MTHFD1L: variants seen among roughly 807,000 people sequenced by gnomAD.
MTHFD1L encodes the protein monofunctional C1-tetrahydrofolate synthase, mitochondrial.
MTHFD1L carries 81 observed loss-of-function variants against 119.5 expected under a neutral mutation model. That is an observed-to-expected ratio of 0.68 (90% CI 0.57 to 0.82). The LOEUF (loss-of-function observed/expected upper bound fraction) is 0.82, where lower values mean the gene tolerates loss of function less well. MTHFD1L is among the 40% of genes least tolerant of loss of function. MTHFD1L has a pLI of 0.00. For missense variants in MTHFD1L, 1,125 were observed against 1,253.4 expected (o/e 0.90, Z 1.55); for synonymous variants, 430 against 475.2 (o/e 0.90, Z 1.24).
intron 26 of MTHFD1L, among the ~76,000 whole-genome samples, chr6:151,079,637 GCAC>G (rs1277154470): frequency 6.6e-6 from 1 of 151,732 alleles, no homozygotes; most frequent in Admixed American, 6.6e-5. Flanking sequence ...TTACAGGCAT[GCAC>G]CACCACGCCC....
chr6:150,891,131 G>A (rs1297883319), intron 7 of MTHFD1L, among the ~76,000 whole-genome samples: 1 of 152,026 alleles, frequency 6.6e-6, no homozygotes, highest in Non-Finnish European at 1.5e-5. Context: ...GACTACAGGT[G>A]TGCGCCACCA....
chr6:151,101,058 C>T (rs904321486), intron 27 of MTHFD1L, among the ~76,000 whole-genome samples: 4 of 152,126 alleles, frequency 2.6e-5, no homozygotes, highest in African/African-American at 9.7e-5. Context: ...ACTCCGGAGG[C>T]TGTGGCGGGA....
At chr6:150,866,388 G>C (rs748304316) in intron 1 of MTHFD1L, 21 of 1,385,930 alleles carry the variant, frequency 1.5e-5, no homozygotes, top group Non-Finnish European at 1.9e-5. Flanking sequence ...GACCCAGACG[G>C]TAAAGGGGCG....
In MTHFD1L at chr6:150,923,540, T is replaced by TATTTATTTATTTA. The variant is rs57115594; in HGVS notation, c.1082+1238_1082+1239insATTTATTTATTTA. On this transcript the variant is annotated intron_variant, in intron 10 of 27. Coordinates refer to ENST00000367321, the MANE Select transcript of MTHFD1L (RefSeq NM_015440.5). ...TTATTTATTTATTTATTTATTTATT[T>TATTTATTTATTTA]TTTCTTTTTTTTTTTTTTTTTTTTG... Among the ~76,000 whole-genome samples the TATTTATTTATTTA allele has an allele frequency of 1.2e-3, 116 of 99,156 alleles. 2 individuals carry two copies. Among genetic ancestry groups the TATTTATTTATTTA allele is most frequent in the African/African-American group, 4.6e-3 (108 of 23,226 alleles). The allele number at this position is 99,156 out of a possible 152,430, so 65.1% of individuals were successfully genotyped here.
chr6:151,097,182 C>G (rs1442994109), intron 27 of MTHFD1L, among the ~76,000 whole-genome samples: 2 of 152,282 alleles, frequency 1.3e-5, no homozygotes, highest in East Asian at 3.9e-4. Flanking sequence ...CTGAAGAATT[C>G]AAGGACTCCC....
intron 17 of MTHFD1L, among the ~76,000 whole-genome samples, chr6:150,958,310 A>G (rs112965066): frequency 2.3e-4 from 35 of 152,304 alleles, no homozygotes; most frequent in African/African-American, 7.9e-4. Context: ...GAGGTACCAT[A>G]GTAGATTCAG....
At chr6:150,882,350 A>G (rs1490531479) in intron 4 of MTHFD1L, among the ~76,000 whole-genome samples, 1 of 152,228 alleles carries the variant, frequency 6.6e-6, no homozygotes, top group African/African-American at 2.4e-5. Flanking sequence ...CCAGATTGGA[A>G]TGCTTCAGAT....
rs759740003 is a variant in MTHFD1L at position 150,882,822 on chromosome 6, A to C, written c.478A>C (p.Ile160Leu). Reference sequence around the variant, plus strand: ...CAGAGTACATGGCCTTGCCCTTCAGATCTCTGAGAACTTGTTTAGCAACAA... The same window carrying C: ...CAGAGTACATGGCCTTGCCCTTCAGCTCTCTGAGAACTTGTTTAGCAACAA... ...DTRVHGLALQ[I>L]SENLFSNKVL... Residue 160 changes from isoleucine (I) to leucine (L), a missense_variant, in exon 5 of 28, where the codon ATC (isoleucine) becomes CTC (leucine). By Grantham distance (5) the Ile-to-Leu change is conservative (BLOSUM62 2). Transcript: ENST00000367321. 6.3e-6 allele frequency: 10 copies of C among 1,579,516 alleles called. No individual in the cohort carries two copies. The South Asian group carries it at 1.2e-4, about 19-fold the overall frequency.
chr6:151,072,124 C>T lies in MTHFD1L; in HGVS notation c.2848-20343C>T, dbSNP rs966383136. Among the ~76,000 whole-genome samples, 34 of 152,022 alleles carry T rather than the reference C, an allele frequency of 2.2e-4. 1 individual carries two copies. The highest frequency in any genetic ancestry group is 7.5e-4 in the African/African-American group (31 of 41,368). On this transcript the variant is annotated intron_variant, in intron 26 of 27. Transcript: ENST00000367321. ...GAGTACAGGCGTGAGCCACCACGCC[C>T]GGCTAGTACAGAATTTTTTATGGCC...
Position 151,014,990 on chromosome 6 carries a change from G to C in MTHFD1L, c.2408+10G>C. The C allele has an allele frequency of 6.2e-7, 1 of 1,611,130 alleles. No homozygotes were observed. The highest frequency in any genetic ancestry group is 8.5e-7 in the Non-Finnish European group (1 of 1,177,682). On this transcript the variant is annotated intron_variant, in intron 23 of 27. Coordinates refer to ENST00000367321, the MANE Select transcript of MTHFD1L (RefSeq NM_015440.5). Reference sequence around the variant, plus strand: ...CTCTGAATGTCTTCAAGTAAGTCCAGCCTCCTCCTTTAAATGTGGGCATTA... The same window carrying C: ...CTCTGAATGTCTTCAAGTAAGTCCACCCTCCTCCTTTAAATGTGGGCATTA...
At chr6:151,071,819 G>T in intron 26 of MTHFD1L, among the ~76,000 whole-genome samples, 1 of 147,164 alleles carries the variant, frequency 6.8e-6, no homozygotes, top group Admixed American at 6.8e-5. Context: ...TAAATATTAA[G>T]CAACATTGTA....
intron 20 of MTHFD1L, among the ~76,000 whole-genome samples, chr6:151,007,546 A>G (rs1441404559): frequency 6.6e-6 from 1 of 152,122 alleles, no homozygotes; most frequent in East Asian, 1.9e-4. Flanking sequence ...AACCCTTCCA[A>G]CAAGGAACTT....
chr6:150,951,034 T>G (rs928004560), intron 16 of MTHFD1L, among the ~76,000 whole-genome samples: 11 of 93,828 alleles, frequency 1.2e-4, no homozygotes, highest in South Asian at 3.0e-4. Flanking sequence ...AACTTTATGG[T>G]TTTTTTTTTG....
intron 11 of MTHFD1L, among the ~76,000 whole-genome samples, chr6:150,933,234 C>T (rs1022929320): frequency 6.6e-6 from 1 of 152,032 alleles, no homozygotes; most frequent in African/African-American, 2.4e-5. Flanking sequence ...GCTATGCTAG[C>T]ATATCCTTGG....
chr6:151,059,186 CT>C (rs1790344590), intron 26 of MTHFD1L, among the ~76,000 whole-genome samples: 1 of 150,984 alleles, frequency 6.6e-6, no homozygotes, highest in Non-Finnish European at 1.5e-5. Context: ...CAGTTCTAAA[CT>C]GGTGGTGGTG....
intron 20 of MTHFD1L, among the ~76,000 whole-genome samples, chr6:150,996,244 A>C (rs1181634037): frequency 6.6e-6 from 1 of 152,182 alleles, no homozygotes; most frequent in Non-Finnish European, 1.5e-5. Flanking sequence ...TCCATGCCCC[A>C]AAATGGACCA....
In MTHFD1L at chr6:151,061,080, G is replaced by A. The variant is rs149227075; in HGVS notation, c.2847+23963G>A. 5.9e-3 allele frequency among the ~76,000 whole-genome samples: 900 copies of A among 152,246 alleles called. 3 individuals carry two copies. Among genetic ancestry groups the A allele is most frequent in the Non-Finnish European group, 9.0e-3 (611 of 68,010 alleles). ...TGGCTCTCAGATTTCTGACTTGTTC[G>A]CTTAATGACTGGGGTTGTCATTTGT... On this transcript the variant is annotated intron_variant, in intron 26 of 27. Transcript: ENST00000367321.
intron 7 of MTHFD1L, among the ~76,000 whole-genome samples, chr6:150,894,633 C>T (rs1167625430): frequency 1.3e-5 from 2 of 152,148 alleles, no homozygotes; most frequent in African/African-American, 4.8e-5. Flanking sequence ...CCAAACATGT[C>T]GGCTGGAGAT....
intron 16 of MTHFD1L, among the ~76,000 whole-genome samples, chr6:150,953,591 G>A (rs1795156134): frequency 6.6e-6 from 1 of 152,094 alleles, no homozygotes; most frequent in Non-Finnish European, 1.5e-5. Flanking sequence ...TTACTTTCTA[G>A]TATCTTTCTT....
Sources: gnomAD v4.1 joint callset for allele counts (sites outside exome capture counted in the v4.1 genomes callset) on GRCh38, gnomAD v4.1.1 for gene constraint, MANE v1.5 for transcripts, NCBI Gene and HGNC (gene_info 2026-07-23, HGNC 2026-07-21) for gene names.